METTL6: variants seen among roughly 807,000 people sequenced by gnomAD.
The protein encoded by METTL6 is methyltransferase 6, tRNA N3-cytidine, also known as tRNA N(3)-cytidine methyltransferase METTL6.
Under a neutral mutation model 26.4 loss-of-function variants are expected in METTL6, and 22 were observed. The observed-to-expected ratio is 0.83, with a 90% confidence interval of 0.59 to 1.19. The LOEUF is 1.19. Ranked by LOEUF, METTL6 falls within the 50% of genes most tolerant of loss-of-function variation. The pLI, the probability that METTL6 is intolerant of heterozygous loss-of-function variation, is 0.00. For synonymous variants in METTL6, 109 were observed against 116.2 expected (o/e 0.94, Z 0.40); for missense variants, 304 against 324.8 (o/e 0.94, Z 0.49).
intron 6 of METTL6, among the ~76,000 whole-genome samples, chr3:15,385,452 G>C (rs929077266): frequency 3.9e-5 from 6 of 152,020 alleles, no homozygotes; most frequent in Non-Finnish European, 7.4e-5. Flanking sequence ...ACAAAACATA[G>C]CTGCGCGTGG....
At position 15,410,267 on chromosome 3, in the gene METTL6, A is replaced by T. The variant is rs1699915237; in HGVS notation, c.*989T>A. Among the ~76,000 whole-genome samples, 1 of 152,194 alleles carries T rather than the reference A, an allele frequency of 6.6e-6. No individual in the cohort carries two copies. The highest frequency in any genetic ancestry group is 1.5e-5 in the Non-Finnish European group (1 of 68,024). On this transcript the variant is annotated 3_prime_UTR_variant, in exon 6 of 6. Transcript: ENST00000383790. ...AAGATGGTACCAAACTCTAAAAAAA[A>T]AAGAACAACTTTAACAATATACCGT... is the stretch of plus-strand genomic sequence containing the variant.
intron 3 of METTL6, among the ~76,000 whole-genome samples, chr3:15,419,874 T>TA (rs1348960972): frequency 6.6e-6 from 1 of 150,952 alleles, no homozygotes; most frequent in Non-Finnish European, 1.5e-5. Context: ...TTTTTTTTTT[T>TA]TTTTTGAGAC....
At chr3:15,408,809 A>G (rs1699870791), downstream of METTL6, among the ~76,000 whole-genome samples, 1 of 151,980 alleles carries the variant, frequency 6.6e-6, no homozygotes, top group Admixed American at 6.6e-5. Context: ...CCTACTTTAA[A>G]TGGCCTGTCT....
downstream of METTL6, among the ~76,000 whole-genome samples, chr3:15,406,625 TATATAG>T (rs1559485702): frequency 5.2e-4 from 19 of 36,348 alleles, no homozygotes; most frequent in South Asian, 1.2e-3. Context: ...TATATATATA[TATATAG>T]AGAGAGAGAG....
chr3:15,423,846 T>C (rs1250578106), intron 3 of METTL6, among the ~76,000 whole-genome samples: 1 of 152,172 alleles, frequency 6.6e-6, no homozygotes, highest in Non-Finnish European at 1.5e-5. Flanking sequence ...ATTGGGCCAC[T>C]GCACTCTAGC....
At chr3:15,390,736 C>T (rs188242802) in intron 6 of METTL6, among the ~76,000 whole-genome samples, 85 of 152,358 alleles carry the variant, frequency 5.6e-4, no homozygotes, top group Middle Eastern at 3.4e-3. Flanking sequence ...AAGTGCCAAC[C>T]AGCTCAGTGG....
chr3:15,390,517 G>A (rs1699315542), intron 6 of METTL6, among the ~76,000 whole-genome samples: 1 of 152,188 alleles, frequency 6.6e-6, no homozygotes, highest in Admixed American at 6.5e-5. Flanking sequence ...CCTCCTTGCA[G>A]TACTTGCAAC....
At chr3:15,387,606 C>A (rs1335912990) in intron 6 of METTL6, among the ~76,000 whole-genome samples, 1 of 152,186 alleles carries the variant, frequency 6.6e-6, no homozygotes, top group Non-Finnish European at 1.5e-5. Flanking sequence ...AAAAAGGCAT[C>A]AAAACTTATT....
At position 15,415,947 on chromosome 3, in the gene METTL6, A is replaced by G; in HGVS notation, c.361-5T>C. The G allele has an allele frequency of 6.3e-7, 1 of 1,598,994 alleles. No individual in the cohort carries two copies. The highest frequency in any genetic ancestry group is 1.8e-5 in the Admixed American group (1 of 56,966). On this transcript the variant is annotated splice_polypyrimidine_tract_variant and splice_region_variant and intron_variant, in intron 3 of 5. Transcript: ENST00000383790. ...TGTATCATATAAAGGATTTTGCTAC[A>G]GGGGGAAGAAATACAAATGAATTTT...
intron 6 of METTL6, among the ~76,000 whole-genome samples, chr3:15,400,227 G>A (rs991162876): frequency 4.6e-5 from 7 of 151,704 alleles, no homozygotes; most frequent in African/African-American, 1.2e-4. Flanking sequence ...CCTCCTCTCC[G>A]CACCCCCACC....
At chr3:15,415,544 T>C in intron 4 of METTL6, 1 of 1,599,032 alleles carries the variant, frequency 6.3e-7, no homozygotes, top group Admixed American at 1.7e-5. Context: ...AAATCATCCT[T>C]GTCCCAGGGC....
At chr3:15,417,113 A>G (rs1185447422) in intron 3 of METTL6, among the ~76,000 whole-genome samples, 2 of 152,210 alleles carry the variant, frequency 1.3e-5, no homozygotes, top group African/African-American at 4.8e-5. Context: ...GCAGTGAGCT[A>G]TGATCCATGC....
intron 6 of METTL6, among the ~76,000 whole-genome samples, chr3:15,403,484 G>A (rs1457133213): frequency 1.3e-5 from 2 of 152,166 alleles, no homozygotes. Flanking sequence ...TGCCTCCACT[G>A]TGAAAATATT....
At position 15,391,776 on chromosome 3, in the gene METTL6, G is replaced by T. The variant is rs997557252; in HGVS notation, c.*12-7589C>A. Among the ~76,000 whole-genome samples the T allele has an allele frequency of 3.3e-5, 5 of 151,112 alleles. No individual in the cohort carries two copies. The East Asian group carries it at 9.9e-4, about 30-fold the overall frequency. ...TGGTTTTTTGTCCTTGTGATAGTTTGCTGAGAATGATGGTTTCCAGCTTCA... is the reference window on the plus strand; with the variant it reads ...TGGTTTTTTGTCCTTGTGATAGTTTTCTGAGAATGATGGTTTCCAGCTTCA... On this transcript the variant is annotated intron_variant, in intron 6 of 6. Transcript: ENST00000443029.
chr3:15,418,144 T>C (rs967344270), intron 3 of METTL6, among the ~76,000 whole-genome samples: 5 of 152,158 alleles, frequency 3.3e-5, no homozygotes, highest in African/African-American at 1.2e-4. Flanking sequence ...TATGTCTAGC[T>C]TTAACCAAAA....
At chr3:15,415,121 G>A (rs1001381568) in intron 4 of METTL6, among the ~76,000 whole-genome samples, 2 of 152,246 alleles carry the variant, frequency 1.3e-5, no homozygotes, top group Admixed American at 6.5e-5. Context: ...TCCTCATTCT[G>A]AGCCTCAGCT....
At chr3:15,396,325 T>C (rs1412451079) in intron 6 of METTL6, among the ~76,000 whole-genome samples, 4 of 152,246 alleles carry the variant, frequency 2.6e-5, no homozygotes, top group Non-Finnish European at 5.9e-5. Context: ...TCTTGTGCCA[T>C]GGTTTTCAGC....
intron 5 of METTL6, chr3:15,413,758 C>T (rs1178745452): frequency 2.1e-6 from 3 of 1,404,986 alleles, no homozygotes; most frequent in African/African-American, 1.4e-5. Flanking sequence ...AGTAGGGAAT[C>T]CACATGGCAT....
In METTL6 at chr3:15,411,216, C is replaced by T; in HGVS notation, c.*40G>A. The stretch of plus-strand genomic sequence containing the variant: ...AGACGAAAGAGTGATTTTAAATTTT[C>T]CTCTTCAAGGGAAGGTATAAATGCC... On this transcript the variant is annotated 3_prime_UTR_variant, in exon 6 of 6. Transcript: ENST00000383790. 6.3e-7 allele frequency: 1 copy of T among 1,576,326 alleles called. No individual in the cohort carries two copies. The highest frequency in any genetic ancestry group is 1.9e-5 in the Admixed American group (1 of 51,712).
Sources: gnomAD v4.1 joint callset for allele counts (sites outside exome capture counted in the v4.1 genomes callset) on GRCh38, gnomAD v4.1.1 for gene constraint, MANE v1.5 for transcripts, NCBI Gene and HGNC (gene_info 2026-07-23, HGNC 2026-07-21) for gene names.